The following CATSPERD variants were observed in gnomAD, a reference collection of about 807,000 sequenced individuals.
The protein encoded by CATSPERD is cation channel sperm-associated auxiliary subunit delta.
Under a neutral mutation model 98.1 loss-of-function variants are expected in CATSPERD, and 86 were observed. The observed-to-expected ratio is 0.88, with a 90% CI of 0.74 to 1.05. The LOEUF is 1.05. Among genes scored for constraint, CATSPERD ranks in the 50% least tolerant of loss-of-function variants. The pLI is 0.00. For synonymous variants in CATSPERD, 394 were observed against 390.2 expected, an observed-to-expected ratio of 1.01 and a Z score of -0.12; for missense variants, 995 against 1,005.7, an observed-to-expected ratio of 0.99 and a Z score of 0.14.
At chr19:5,750,538 C>A (rs541620667) in intron 11 of CATSPERD, among the ~76,000 whole-genome samples, 2 of 148,902 alleles carry the variant, frequency 1.3e-5, no homozygotes, top group South Asian at 4.3e-4. Context: ...TCCAGGAGTT[C>A]ATGACCAGCA....
intron 15 of CATSPERD, among the ~76,000 whole-genome samples, chr19:5,762,058 A>ATATATATATTTTTTTTTTTTTTTT: frequency 1.9e-4 from 2 of 10,440 alleles, no homozygotes; most frequent in Non-Finnish European, 3.6e-4. Flanking sequence ...ATATATATAT[A>ATATATATATTTTTTTTTTTTTTTT]TTTTTTTTTT....
intron 7 of CATSPERD, among the ~76,000 whole-genome samples, chr19:5,742,140 G>T (rs148149299): frequency 7.3e-6 from 1 of 136,498 alleles, no homozygotes; most frequent in Non-Finnish European, 1.6e-5. Flanking sequence ...GTGTGTGCGC[G>T]TGTGTACGTG....
At chr19:5,751,985 C>A (rs891821007) in intron 12 of CATSPERD, among the ~76,000 whole-genome samples, 162 bp downstream of exon 12, 2 of 151,514 alleles carry the variant, frequency 1.3e-5, no homozygotes, top group African/African-American at 4.9e-5. Flanking sequence ...CAACATACAC[C>A]CATTTCTAAA....
chr19:5,759,707 G>C (rs368002533), intron 15 of CATSPERD, among the ~76,000 whole-genome samples: 2 of 151,744 alleles, frequency 1.3e-5, no homozygotes, highest in African/African-American at 4.8e-5. Context: ...TCAACCCACC[G>C]GTCCATCACC....
At position 5,753,046 on chromosome 19, in the gene CATSPERD, T is replaced by G. The variant is rs545692441; in HGVS notation, c.1165-1086T>G. Among the ~76,000 whole-genome samples, 278 of 140,968 alleles carry G rather than the reference T, an allele frequency of 2.0e-3. 1 individual carries two copies. The highest frequency in any genetic ancestry group is 3.7e-3 in the Admixed American group (52 of 14,062). 92.5% of individuals were successfully genotyped at this position (140,968 alleles called of 152,430 possible). A position where few individuals can be genotyped will look rare whatever the true frequency, so the allele number is the denominator to read the frequency against. On this transcript the variant is annotated intron_variant, in intron 12 of 21. Coordinates refer to ENST00000381624, the MANE Select transcript of CATSPERD (RefSeq NM_152784.4). Reference sequence around the variant, plus strand: ...CCATGTCAAAAAAAAAAAAAAAAAGTAGATTTTGTAGAGACAGGAGTCTCC... The same window carrying G: ...CCATGTCAAAAAAAAAAAAAAAAAGGAGATTTTGTAGAGACAGGAGTCTCC...
At chr19:5,731,516 A>G (rs1190661161) in intron 4 of CATSPERD, among the ~76,000 whole-genome samples, 4 of 150,346 alleles carry the variant, frequency 2.7e-5, no homozygotes, top group South Asian at 2.1e-4. Flanking sequence ...AGTTTTGTCA[A>G]TTATCGAAAA....
At chr19:5,771,232 C>T (rs1412889232) in intron 19 of CATSPERD, among the ~76,000 whole-genome samples, 160 bp downstream of exon 19, 2 of 152,212 alleles carry the variant, frequency 1.3e-5, no homozygotes, top group Non-Finnish European at 2.9e-5. Flanking sequence ...CACTGGCCCC[C>T]AGGGCCCTCT....
In CATSPERD at chr19:5,722,648, A is replaced by G. The variant is rs116283134; in HGVS notation, c.71+1840A>G. The stretch of plus-strand genomic sequence containing the variant: ...GCATCAAGATCACCTGGAATTTATT[A>G]TAATTGGTTAGAAATGCAGTTCCCT... On this transcript the variant is annotated intron_variant, in intron 1 of 21. Coordinates refer to ENST00000381624, the MANE Select transcript of CATSPERD (RefSeq NM_152784.4). Among the ~76,000 whole-genome samples, 776 of 152,076 alleles carry G rather than the reference A, an allele frequency of 5.1e-3. 4 individuals carry two copies. Among genetic ancestry groups the G allele is most frequent in the African/African-American group, 0.018 (738 of 41,478 alleles).
chr19:5,749,105 A>G lies in CATSPERD; in HGVS notation c.909A>G (p.Glu303=). The G allele has an allele frequency of 1.2e-6, 2 of 1,611,720 alleles. No homozygotes were observed. The highest frequency in any genetic ancestry group is 1.7e-6 in the Non-Finnish European group (2 of 1,178,988). The part of the protein sequence containing the change: ...KITIHNIAVT[E]NELAVITRED... The stretch of plus-strand genomic sequence containing the variant: ...GTCTTGTTTTGTTTTTCCCAGCTGA[A>G]AATGAACTGGCAGTTATAACTCGGG... The change falls in exon 11 of 22, where the codon GAA becomes GAG. Residue 303 remains glutamate (E), a synonymous_variant. Coordinates refer to ENST00000381624, the MANE Select transcript of CATSPERD (RefSeq NM_152784.4).
chr19:5,763,326 G>A (rs757202176), intron 16 of CATSPERD, 33 bp downstream of exon 16: 2 of 1,560,964 alleles, frequency 1.3e-6, no homozygotes, highest in Admixed American at 1.7e-5. Context: ...CCCATATTCG[G>A]TGTCATAAGT....
At chr19:5,767,600 G>C (rs1351857939) in intron 17 of CATSPERD, among the ~76,000 whole-genome samples, 1 of 150,884 alleles carries the variant, frequency 6.6e-6, no homozygotes, top group African/African-American at 2.4e-5. Flanking sequence ...CCATTCTCCT[G>C]CCTCAGCCTC....
In CATSPERD at chr19:5,739,331, C is replaced by T. The variant is rs1476099635; in HGVS notation, c.465C>T (p.Val155=). The change falls in exon 7 of 22, where the codon GTC becomes GTT. Residue 155 remains valine, a synonymous_variant. Transcript: ENST00000381624. The part of the protein sequence containing the change: ...CYTGSLFCVH[V]SNLVFAYFRG... The stretch of plus-strand genomic sequence containing the variant: ...TTTCTTTTTTTTTTTTATAGCATGT[C>T]AGTAATTTGGTTTTTGCATATTTCC... 2.7e-6 allele frequency: 4 copies of T among 1,470,340 alleles called. No individual in the cohort carries two copies. Among genetic ancestry groups the T allele is most frequent in the African/African-American group, 1.4e-5 (1 of 70,124 alleles). 91.1% of individuals were successfully genotyped at this position (1,470,340 alleles called of 1,614,324 possible).
intron 17 of CATSPERD, 69 bp from the exon 18 acceptor site, chr19:5,768,099 T>C: frequency 1.4e-6 from 2 of 1,427,580 alleles, no homozygotes; most frequent in Non-Finnish European, 2.0e-6. Context: ...CCTCCCTTTC[T>C]GTCCCATCCA....
chr19:5,741,288 G>A (rs1358375492), intron 7 of CATSPERD, among the ~76,000 whole-genome samples: 1 of 152,020 alleles, frequency 6.6e-6, no homozygotes, highest in Non-Finnish European at 1.5e-5. Context: ...AACTGTCTTT[G>A]GCATTTTTGC....
intron 3 of CATSPERD, among the ~76,000 whole-genome samples, chr19:5,728,552 C>T (rs963130937): frequency 2.6e-5 from 4 of 151,206 alleles, no homozygotes; most frequent in South Asian, 4.2e-4. Context: ...TGACAGAGAC[C>T]GTCTCTGTCA....
At chr19:5,770,637 C>T (rs970490130) in intron 18 of CATSPERD, among the ~76,000 whole-genome samples, 1 of 151,598 alleles carries the variant, frequency 6.6e-6, no homozygotes, top group Non-Finnish European at 1.5e-5. Flanking sequence ...AAATATTAAC[C>T]ATGCGTGGTG....
At chr19:5,759,462 G>C (rs2056392694) in intron 15 of CATSPERD, among the ~76,000 whole-genome samples, 1 of 151,254 alleles carries the variant, frequency 6.6e-6, no homozygotes, top group Non-Finnish European at 1.5e-5. Flanking sequence ...CTACTCGGGA[G>C]GCTGAGGCAG....
chr19:5,726,342 G>A (rs2055603787), intron 2 of CATSPERD, among the ~76,000 whole-genome samples: 2 of 151,942 alleles, frequency 1.3e-5, no homozygotes, highest in South Asian at 4.2e-4. Flanking sequence ...GGGATTACAG[G>A]GGTGAGCCAC....
At chr19:5,775,891 T>C (rs1303692629) in intron 20 of CATSPERD, among the ~76,000 whole-genome samples, 2 of 152,178 alleles carry the variant, frequency 1.3e-5, no homozygotes, top group Non-Finnish European at 2.9e-5. Flanking sequence ...TGTTTACTCA[T>C]ATGGCCTCCA....
Sources: gnomAD v4.1 joint callset for allele counts (sites outside exome capture counted in the v4.1 genomes callset) on GRCh38, gnomAD v4.1.1 for gene constraint, MANE v1.5 for transcripts, NCBI Gene and HGNC (gene_info 2026-07-23, HGNC 2026-07-21) for gene names.